Variants in JARID2 observed in about 807,000 individuals in gnomAD.
JARID2 encodes the protein protein Jumonji.
In JARID2, 21 loss-of-function variants were observed where a neutral mutation model predicts 125.6. The observed-to-expected ratio is 0.17, with a 90% CI of 0.12 to 0.24. JARID2 has a LOEUF of 0.24. Among genes scored for constraint, JARID2 ranks in the 10% least tolerant of loss-of-function variants. The pLI is 1.00. For missense variants in JARID2, 1,303 were observed against 1,639.6 expected, an observed-to-expected ratio of 0.79 and a Z score of 3.55; for synonymous variants, 736 against 661.6, an observed-to-expected ratio of 1.11 and a Z score of -1.73.
chr6:15,311,123 G>C (rs977480389), intron 1 of JARID2, among the ~76,000 whole-genome samples: 1 of 152,134 alleles, frequency 6.6e-6, no homozygotes, highest in Non-Finnish European at 1.5e-5. Flanking sequence ...TCCGCGTGGC[G>C]TATCAATGGG....
chr6:15,348,613 A>C (rs1272269089), intron 1 of JARID2, among the ~76,000 whole-genome samples: 1 of 152,064 alleles, frequency 6.6e-6, no homozygotes, highest in African/African-American at 2.4e-5. Context: ...TCTTCTCTTC[A>C]GTTATACTTG....
Position 15,508,324 on chromosome 6 carries a change from A to G in JARID2, c.2732-16A>G. ...CCTAGCTTTTAAAAATGCCCTTTTC[A>G]CTCTTTCTGTTTTAGGAGTGACTAT... On this transcript the variant is annotated splice_polypyrimidine_tract_variant and intron_variant, in intron 11 of 17. Transcript: ENST00000341776. 7.4e-7 allele frequency: 1 copy of G among 1,344,058 alleles called. No homozygotes were observed. The highest frequency in any genetic ancestry group is 1.1e-6 in the Non-Finnish European group (1 of 934,382). 83.3% of individuals were successfully genotyped at this position (1,344,058 alleles called of 1,614,324 possible). A position where few individuals can be genotyped will look rare whatever the true frequency, so the allele number is the denominator to read the frequency against.
intron 5 of JARID2, among the ~76,000 whole-genome samples, chr6:15,484,317 A>G (rs981784836): frequency 1.3e-5 from 2 of 152,236 alleles, no homozygotes; most frequent in African/African-American, 4.8e-5. Flanking sequence ...ACTCTCAGTC[A>G]TGGTCTGGCA....
chr6:15,328,427 G>T (rs554793322), intron 1 of JARID2, among the ~76,000 whole-genome samples: 6 of 152,278 alleles, frequency 3.9e-5, no homozygotes, highest in African/African-American at 1.4e-4. Context: ...TTACTGTGCT[G>T]CCTTATACCT....
At chr6:15,313,616 T>C (rs1453686844) in intron 1 of JARID2, among the ~76,000 whole-genome samples, 3 of 152,188 alleles carry the variant, frequency 2.0e-5, no homozygotes, top group African/African-American at 4.8e-5. Flanking sequence ...GAATTTGCAG[T>C]GTGCCGTACA....
chr6:15,379,336 G>T (rs1048882925), intron 2 of JARID2, among the ~76,000 whole-genome samples: 6 of 152,124 alleles, frequency 3.9e-5, no homozygotes, highest in African/African-American at 7.2e-5. Flanking sequence ...ACTTTTTGTT[G>T]TAGATAATGC....
rs182765415 is a variant in JARID2 at position 15,481,900 on chromosome 6, A to G, written c.671-5407A>G. ...CAGGGCAGCCAGTTTATGGTTCACT[A>G]TGTTAATTTCACCTGCCTCCCTCTC... is the stretch of plus-strand genomic sequence containing the variant. On this transcript the variant is annotated intron_variant, in intron 5 of 17. Coordinates refer to ENST00000341776, the MANE Select transcript of JARID2 (RefSeq NM_004973.4). Among the ~76,000 whole-genome samples the G allele has an allele frequency of 2.4e-3, 366 of 152,268 alleles. 1 individual carries two copies. The highest frequency in any genetic ancestry group is 6.0e-3 in the Admixed American group (91 of 15,294).
intron 1 of JARID2, among the ~76,000 whole-genome samples, chr6:15,249,372 C>G (rs1363740939): frequency 6.6e-6 from 1 of 152,064 alleles, no homozygotes; most frequent in Non-Finnish European, 1.5e-5. Flanking sequence ...TCTGTACCTA[C>G]TGACTGTTAT....
chr6:15,402,794 G>C (rs1485606115), intron 2 of JARID2, among the ~76,000 whole-genome samples: 1 of 152,052 alleles, frequency 6.6e-6, no homozygotes, highest in Non-Finnish European at 1.5e-5. Context: ...ATATCCTAGG[G>C]GATTCCAGGG....
In JARID2 at chr6:15,365,023, G is replaced by C. The variant is rs192051654; in HGVS notation, c.46-9094G>C. On this transcript the variant is annotated intron_variant, in intron 1 of 17. Coordinates refer to ENST00000341776, the MANE Select transcript of JARID2 (RefSeq NM_004973.4). The stretch of plus-strand genomic sequence containing the variant: ...GGGTATATCATAATGAACATAAAAA[G>C]GCATTAGTGATTAAAAGATCCAAAT... Among the ~76,000 whole-genome samples the C allele has an allele frequency of 2.6e-3, 389 of 152,176 alleles. 1 individual carries two copies. The highest frequency in any genetic ancestry group is 2.9e-3 in the Non-Finnish European group (196 of 68,012).
At chr6:15,298,340 G>A (rs1761485508) in intron 1 of JARID2, among the ~76,000 whole-genome samples, 1 of 152,130 alleles carries the variant, frequency 6.6e-6, no homozygotes, top group South Asian at 2.1e-4. Context: ...TGCAATGACA[G>A]TTCTGATAAG....
intron 1 of JARID2, among the ~76,000 whole-genome samples, chr6:15,357,945 A>G (rs1763662753): frequency 6.6e-6 from 1 of 152,040 alleles, no homozygotes; most frequent in South Asian, 2.1e-4. Flanking sequence ...TGTCCATGTA[A>G]TTTTGTTTAT....
chr6:15,254,046 T>A (rs1759558603), intron 1 of JARID2, among the ~76,000 whole-genome samples: 2 of 152,212 alleles, frequency 1.3e-5, no homozygotes, highest in African/African-American at 2.4e-5. Flanking sequence ...AGAGGCTTTT[T>A]GCTTGGGAAA....
intron 1 of JARID2, among the ~76,000 whole-genome samples, chr6:15,258,718 G>C (rs1016447658): frequency 7.2e-5 from 11 of 152,150 alleles, no homozygotes; most frequent in African/African-American, 2.2e-4. Flanking sequence ...GGAGGCAGAG[G>C]TTGCAGTGAG....
rs558096621 is a variant in JARID2, at chr6:15,520,686, C to G, written c.*435C>G. On this transcript the variant is annotated 3_prime_UTR_variant, in exon 18 of 18. Transcript: ENST00000341776. The stretch of plus-strand genomic sequence containing the variant: ...TTTTTTAGAAGGGATAGGAGACACA[C>G]GCGCACACACACACACACACGAAAC... 1.5e-4 allele frequency: 62 copies of G among 420,424 alleles called. No individual in the cohort carries two copies. The highest frequency in any genetic ancestry group is 9.9e-4 in the South Asian group (61 of 61,386). 26.0% of individuals were successfully genotyped at this position (420,424 alleles called of 1,614,324 possible).
intron 16 of JARID2, among the ~76,000 whole-genome samples, chr6:15,514,681 G>A (rs566361083): frequency 2.0e-5 from 3 of 152,202 alleles, no homozygotes; most frequent in African/African-American, 7.2e-5. Flanking sequence ...CTAAAAACTC[G>A]GTGTGTCCTC....
Position 15,496,636 on chromosome 6 carries a change from G to A in JARID2, c.1411G>A (p.Gly471Ser), listed in dbSNP as rs1414267703. The A allele has an allele frequency of 6.2e-7, 1 of 1,610,792 alleles. No homozygotes were observed. Among genetic ancestry groups the A allele is most frequent in the East Asian group, 2.2e-5 (1 of 44,854 alleles). Residue 471 changes from glycine (G) to serine (S), a missense_variant, in exon 7 of 18, where the codon GGC becomes AGC. Around this residue, in one of 11 missense-constraint regions of JARID2, gnomAD observed 651 missense variants for 581.6 expected, o/e 1.12. Transcript: ENST00000341776. ...KGAAGPAEGP[G>S]KKAPAERGLL... ...GGCGGCTGGCCCCGCCGAAGGCCCT[G>A]GCAAGAAGGCCCCGGCCGAGAGAGG...
At chr6:15,308,544 T>G (rs992837812) in intron 1 of JARID2, among the ~76,000 whole-genome samples, 1 of 152,232 alleles carries the variant, frequency 6.6e-6, no homozygotes, top group African/African-American at 2.4e-5. Flanking sequence ...GAGTCCTGTT[T>G]TCTCCCCTGT....
chr6:15,361,834 A>G (rs1185805266), intron 1 of JARID2, among the ~76,000 whole-genome samples: 3 of 147,900 alleles, frequency 2.0e-5, no homozygotes, highest in Non-Finnish European at 4.5e-5. Context: ...AACAATGGTG[A>G]TTGTTGTAAA....
Sources: allele counts gnomAD v4.1 joint callset (sites outside exome capture counted in the v4.1 genomes callset), GRCh38; gene constraint gnomAD v4.1.1; regional missense constraint gnomAD v4.1.1; transcripts MANE v1.5; gene names NCBI Gene and HGNC (gene_info 2026-07-23, HGNC 2026-07-21).